Variants in MAGI2 observed in about 807,000 individuals in gnomAD.
The protein encoded by MAGI2 is membrane associated guanylate kinase, WW and PDZ domain containing 2.
MAGI2 carries 35 observed loss-of-function variants against 133.3 expected under a neutral mutation model. That is an observed-to-expected ratio of 0.26 (90% confidence interval 0.20 to 0.35). MAGI2 has a LOEUF of 0.35. Ranked by LOEUF, MAGI2 falls within the 10% of genes least tolerant of loss-of-function variation. The pLI is 1.00. For synonymous variants in MAGI2, 729 were observed against 710.6 expected (o/e 1.03, Z -0.41); for missense variants, 1,636 against 1,863.4 (o/e 0.88, Z 2.25).
At chr7:78,767,361 T>A (rs1206494955) in intron 2 of MAGI2, among the ~76,000 whole-genome samples, 1 of 151,446 alleles carries the variant, frequency 6.6e-6, no homozygotes, top group African/African-American at 2.4e-5. Context: ...TTTTTTTTTT[T>A]ACAATTAAAA....
intron 1 of MAGI2, among the ~76,000 whole-genome samples, chr7:79,153,334 A>G (rs1823451152): frequency 6.6e-6 from 1 of 152,188 alleles, no homozygotes. Flanking sequence ...GGCGAGCAGC[A>G]GACCTATAGC....
At chr7:78,944,698 A>C (rs1801267767) in intron 2 of MAGI2, among the ~76,000 whole-genome samples, 1 of 147,986 alleles carries the variant, frequency 6.8e-6, no homozygotes, top group Admixed American at 7.0e-5. Context: ...CAGTAAGAGA[A>C]ATAGACTACT....
At chr7:78,956,281 A>G (rs1382954380) in intron 2 of MAGI2, among the ~76,000 whole-genome samples, 1 of 152,166 alleles carries the variant, frequency 6.6e-6, no homozygotes, top group African/African-American at 2.4e-5. Context: ...CATTATGTTA[A>G]TAAATGCAGA....
At chr7:79,141,058 G>A (rs900602461) in intron 1 of MAGI2, among the ~76,000 whole-genome samples, 1 of 152,122 alleles carries the variant, frequency 6.6e-6, no homozygotes, top group African/African-American at 2.4e-5. Context: ...TTGTTTATAA[G>A]TACTTGGACA....
chr7:78,164,365 T>G lies in MAGI2; in HGVS notation c.2596+3551A>C, dbSNP rs2150628163. ...TATGTATGGACAGAGCTTGGTCATG[T>G]GGGCTGTGATGTCCACATGCATGTG... On this transcript the variant is annotated intron_variant, in intron 15 of 21. Transcript: ENST00000354212. Among the ~76,000 whole-genome samples the G allele has an allele frequency of 2.0e-5, 3 of 152,330 alleles. No individual in the cohort carries two copies. The East Asian group carries it at 5.8e-4, about 29-fold the overall frequency.
At chr7:79,127,723 C>T (rs553510486) in intron 1 of MAGI2, among the ~76,000 whole-genome samples, 2 of 152,240 alleles carry the variant, frequency 1.3e-5, no homozygotes, top group East Asian at 1.9e-4. Context: ...GAGTAGGTTG[C>T]AAAAATTTTC....
At chr7:78,393,981 A>G (rs1796119910) in intron 6 of MAGI2, among the ~76,000 whole-genome samples, 1 of 152,102 alleles carries the variant, frequency 6.6e-6, no homozygotes, top group South Asian at 2.1e-4. Context: ...GAAAGAGTAA[A>G]GCTAGAGAAC....
intron 1 of MAGI2, among the ~76,000 whole-genome samples, chr7:79,313,328 C>T (rs1585532693): frequency 6.6e-6 from 1 of 152,234 alleles, no homozygotes; most frequent in East Asian, 1.9e-4. Flanking sequence ...GGGCCCATAT[C>T]TGCAGGCTCT....
At chr7:78,224,262 T>A (rs55838493) in intron 10 of MAGI2, among the ~76,000 whole-genome samples, 47,524 of 152,050 alleles carry the variant, frequency 0.31, 8,670 homozygotes, top group Non-Finnish European at 0.4. Flanking sequence ...TGATTAAAAG[T>A]AAAGTTTTTA....
intron 10 of MAGI2, among the ~76,000 whole-genome samples, chr7:78,226,988 T>G (rs1789453782): frequency 6.6e-6 from 1 of 152,188 alleles, no homozygotes; most frequent in Non-Finnish European, 1.5e-5. Context: ...TTAGTTTGAT[T>G]ATAGATATTT....
intron 1 of MAGI2, among the ~76,000 whole-genome samples, chr7:79,127,191 G>C (rs1398393034): frequency 1.3e-5 from 2 of 152,058 alleles, no homozygotes; most frequent in East Asian, 3.9e-4. Flanking sequence ...TTCTTAATCT[G>C]GTCTATCATT....
chr7:78,725,971 C>A (rs944953687), intron 2 of MAGI2, among the ~76,000 whole-genome samples: 1 of 152,052 alleles, frequency 6.6e-6, no homozygotes, highest in South Asian at 2.1e-4. Flanking sequence ...ATGTTTATAT[C>A]CCAGGCTTTT....
intron 9 of MAGI2, among the ~76,000 whole-genome samples, chr7:78,317,642 G>A (rs904838552): frequency 6.6e-6 from 1 of 152,190 alleles, no homozygotes; most frequent in African/African-American, 2.4e-5. Flanking sequence ...GCTCTGATAA[G>A]GGACAGACTG....
chr7:78,480,152 C>A (rs997947195), intron 6 of MAGI2, among the ~76,000 whole-genome samples: 1 of 151,720 alleles, frequency 6.6e-6, no homozygotes, highest in Non-Finnish European at 1.5e-5. Context: ...AAGTGCATAA[C>A]CTGAATAATC....
chr7:79,098,002 C>G (rs1444364564), intron 1 of MAGI2, among the ~76,000 whole-genome samples: 1 of 152,064 alleles, frequency 6.6e-6, no homozygotes. Context: ...CACGCCTGTA[C>G]TCCCAGCTAC....
intron 6 of MAGI2, among the ~76,000 whole-genome samples, chr7:78,477,705 G>A (rs530893756): frequency 3.9e-5 from 6 of 151,968 alleles, no homozygotes; most frequent in African/African-American, 9.6e-5. Context: ...ACCTGGCCCC[G>A]CCCTTGACAC....
At position 78,132,968 on chromosome 7, in the gene MAGI2, G is replaced by C; in HGVS notation, c.3124C>G (p.Pro1042Ala). The change falls in exon 18 of 22, where the codon CCA becomes GCA. Residue 1042 changes from proline (P) to alanine (A), a missense_variant. Pro to Ala is a conservative substitution (Grantham distance 27, BLOSUM62 -1). Transcript: ENST00000354212. ...GGGCTGTTGGGGGTGGCTGGGCTTGGCTGGGCCAGGGGACTCTGCTGTGCC... is the reference window on the plus strand; with the variant it reads ...GGGCTGTTGGGGGTGGCTGGGCTTGCCTGGGCCAGGGGACTCTGCTGTGCC... ...PLAQQSPLAQ[P>A]SPATPNSPIA... is the part of the protein sequence containing the mutation. 1 of 1,613,446 alleles carries C rather than the reference G, an allele frequency of 6.2e-7. No individual in the cohort carries two copies.
intron 2 of MAGI2, among the ~76,000 whole-genome samples, chr7:78,761,382 A>G (rs894814325): frequency 2.0e-5 from 3 of 152,196 alleles, no homozygotes; most frequent in Non-Finnish European, 4.4e-5. Context: ...ATAACTTCAT[A>G]AAAAGGTTCT....
intron 7 of MAGI2, among the ~76,000 whole-genome samples, chr7:78,349,689 G>A (rs978892009): frequency 9.9e-5 from 15 of 152,272 alleles, no homozygotes; most frequent in African/African-American, 3.1e-4. Flanking sequence ...AGCACCATAA[G>A]CTAATTGCTA....
Sources: allele counts gnomAD v4.1 joint callset (sites outside exome capture counted in the v4.1 genomes callset), GRCh38; gene constraint gnomAD v4.1.1; transcripts MANE v1.5; gene names NCBI Gene and HGNC (gene_info 2026-07-23, HGNC 2026-07-21).